PLEC: variants seen among roughly 807,000 people sequenced by gnomAD.
The protein encoded by PLEC is hemidesmosomal protein 1.
In PLEC, 216 loss-of-function variants were observed where a neutral mutation model predicts 392.8. That is an observed-to-expected ratio of 0.55 (90% CI 0.49 to 0.62). PLEC has a LOEUF of 0.62. Among genes scored for constraint, PLEC ranks in the 20% least tolerant of loss-of-function variants. The pLI, the probability that PLEC is intolerant of heterozygous loss-of-function variation, is 0.00. For missense variants in PLEC, 6,863 were observed against 6,563.4 expected, an observed-to-expected ratio of 1.05 and a Z score of -1.58; for synonymous variants, 3,621 against 2,980.6, an observed-to-expected ratio of 1.21 and a Z score of -7.00.
At chr8:143,951,238 C>T (rs1414552883), upstream of PLEC, among the ~76,000 whole-genome samples, 2 of 152,072 alleles carry the variant, frequency 1.3e-5, no homozygotes, top group African/African-American at 4.8e-5. Flanking sequence ...AGGAGGGGTA[C>T]TCGGCAGGGA....
intron 1 of PLEC, among the ~76,000 whole-genome samples, chr8:143,947,400 T>A (rs1405135663): frequency 2.0e-5 from 3 of 152,200 alleles, no homozygotes; most frequent in Non-Finnish European, 4.4e-5. Context: ...AGCTGGCGTC[T>A]CCTCCACACA....
intron 3 of PLEC, chr8:143,937,872 T>G: frequency 6.5e-6 from 4 of 620,078 alleles, no homozygotes; most frequent in Non-Finnish European, 6.0e-6. Flanking sequence ...AAGCGGAGCA[T>G]GAGGTTACTG....
chr8:143,923,552 T>C lies in PLEC; in HGVS notation c.6377A>G (p.Gln2126Arg). The change falls in exon 31 of 32, where the codon CAG becomes CGG. Residue 2126 changes from glutamine to arginine, a missense_variant. Transcript: ENST00000345136. ...RLKQSAEEQA[Q>R]ARAQAQAAAE... is the part of the protein sequence containing the mutation. ...AGCCGCCTGTGCCTGAGCCCGGGCC[T>C]GTGCCTGCTCCTCTGCCGACTGCTT... 12 of 1,597,816 alleles carry C rather than the reference T, an allele frequency of 7.5e-6. No homozygotes were observed. The highest frequency in any genetic ancestry group is 1.0e-5 in the Non-Finnish European group (12 of 1,178,046).
At position 143,916,843 on chromosome 8, in the gene PLEC, G is replaced by C; in HGVS notation, c.12978C>G (p.Thr4326=). The C allele has an allele frequency of 6.2e-6, 10 of 1,612,922 alleles. No individual in the cohort carries two copies. The highest frequency in any genetic ancestry group is 8.5e-6 in the Non-Finnish European group (10 of 1,179,934). The change falls in exon 32 of 32, where the codon ACC becomes ACG. Residue 4326 remains threonine, a synonymous_variant. Coordinates refer to ENST00000345136, the MANE Select transcript of PLEC (RefSeq NM_201384.3). ...CGTCGGTGACAGGGAAGCGCTCACC[G>C]GTGCTGGGGTCGATGATGCCCCCGG... ...ACTGGIIDPS[T]GERFPVTDAV...
At position 143,933,014 on chromosome 8, in the gene PLEC, C is replaced by T. The variant is rs781783137; in HGVS notation, c.1516G>A (p.Val506Met). Residue 506 changes from valine (V) to methionine (M), a missense_variant, in exon 14 of 32, where the codon GTG becomes ATG. Transcript: ENST00000345136. Reference sequence around the variant, plus strand: ...CGCCTCTGCACACTCTGCAGAGTCACCTGGGCCACCTGGGTTGCAGGGGCC... The same window carrying T: ...CGCCTCTGCACACTCTGCAGAGTCATCTGGGCCACCTGGGTTGCAGGGGCC... The part of the protein sequence containing the change: ...VAAPATQVAQ[V>M]TLQSVQRRPE... 2 of 1,603,642 alleles carry T rather than the reference C, an allele frequency of 1.2e-6. No individual in the cohort carries two copies. Among genetic ancestry groups the T allele is most frequent in the Non-Finnish European group, 1.7e-6 (2 of 1,176,214 alleles).
rs191163080 is a variant in PLEC, at chr8:143,964,571, T to A, written c.70+8832A>T. On this transcript the variant is annotated intron_variant, in intron 1 of 31. Coordinates refer to the PLEC transcript ENST00000356346. Reference sequence around the variant, plus strand: ...CCGAAGGAGCGTGGCCCTGTCAACATCTTGATTTTGGACATGTGGCCTCCA... The same window carrying A: ...CCGAAGGAGCGTGGCCCTGTCAACAACTTGATTTTGGACATGTGGCCTCCA... 2.3e-3 allele frequency among the ~76,000 whole-genome samples: 349 copies of A among 152,258 alleles called. 1 individual carries two copies. Among genetic ancestry groups the A allele is most frequent in the African/African-American group, 7.6e-3 (317 of 41,554 alleles).
upstream of PLEC, among the ~76,000 whole-genome samples, chr8:143,956,114 A>G (rs1411590849): frequency 3.9e-5 from 6 of 151,948 alleles, no homozygotes; most frequent in African/African-American, 1.5e-4. Context: ...CACCGGGCTA[A>G]TTTTTGTATT....
chr8:143,921,693 G>C lies in PLEC; in HGVS notation c.8128C>G (p.Leu2710Val), dbSNP rs1554686726. Residue 2710 changes from leucine (L) to valine (V), a missense_variant, in exon 32 of 32, where the codon CTG (leucine) becomes GTG (valine). Physicochemically the swap from Leu to Val is conservative, Grantham distance 32 (BLOSUM62 1). Coordinates refer to ENST00000345136, the MANE Select transcript of PLEC (RefSeq NM_201384.3). ...CTCTGCAGGGCGGCGTAAACACTCAGCTTCTCATTGGTGGCCTTCAGCAAC... is the reference window on the plus strand; with the variant it reads ...CTCTGCAGGGCGGCGTAAACACTCACCTTCTCATTGGTGGCCTTCAGCAAC... ...GLLLKATNEKLSVYAALQRQL... is the reference protein window; with the variant it reads ...GLLLKATNEKVSVYAALQRQL... 1 of 1,613,006 alleles carries C rather than the reference G, an allele frequency of 6.2e-7. No individual in the cohort carries two copies. Among genetic ancestry groups the C allele is most frequent in the Non-Finnish European group, 8.5e-7 (1 of 1,179,930 alleles).
At chr8:143,952,207 C>T (rs1832242811), upstream of PLEC, among the ~76,000 whole-genome samples, 1 of 114,174 alleles carries the variant, frequency 8.8e-6, no homozygotes, top group South Asian at 2.4e-4. Context: ...CACACACACA[C>T]ACGCGCGCAC....
chr8:143,973,664 C>A (rs1231493210), upstream of PLEC: 1 of 420,282 alleles, frequency 2.4e-6, no homozygotes, highest in Non-Finnish European at 3.2e-6. The surrounding 1 kb of genome is among the most constrained non-coding windows in gnomAD (Gnocchi z 5.6). Flanking sequence ...GCGTCTGGGC[C>A]CCTCCCGGCG....
intron 1 of PLEC, chr8:143,946,431 G>A (rs1554732277): frequency 1.6e-6 from 2 of 1,284,540 alleles, no homozygotes; most frequent in African/African-American, 1.5e-5. Flanking sequence ...GAGCCGGCAG[G>A]GAGGAAGGCG....
rs34818236 is a variant in PLEC at position 143,915,865 on chromosome 8, AC to A, written c.*311del. The A allele has an allele frequency of 0.023, 5,670 of 242,414 alleles. 370 individuals are homozygous for A. Among genetic ancestry groups the A allele is most frequent in the African/African-American group, 0.13 (5,360 of 42,850 alleles). The allele number at this position is 242,414 out of a possible 1,614,324, so 15.0% of individuals were successfully genotyped here. ...TGCAGCTAGGACTGGCAGGCGGGCT[AC>A]CCTGGGAAGACAGGAGGGTGGGCTG... is the stretch of plus-strand genomic sequence containing the variant. On this transcript the variant is annotated 3_prime_UTR_variant, in exon 32 of 32. Coordinates refer to ENST00000345136, the MANE Select transcript of PLEC (RefSeq NM_201384.3).
chr8:143,925,186 T>C lies in PLEC; in HGVS notation c.4743A>G (p.Lys1581=). Residue 1581 remains lysine (K), a synonymous_variant, in exon 31 of 32, where the codon AAA becomes AAG. Transcript: ENST00000345136. ...QRSAEAELQS[K]RASFAEKTAQ... The stretch of plus-strand genomic sequence containing the variant: ...CCGTCTTCTCGGCGAAGGAGGCGCG[T>C]TTGCTCTGCAGCTCCGCCTCTGCAC... The C allele has an allele frequency of 6.3e-7, 1 of 1,579,830 alleles. No individual in the cohort carries two copies. Among genetic ancestry groups the C allele is most frequent in the Non-Finnish European group, 8.5e-7 (1 of 1,171,506 alleles).
upstream of PLEC, chr8:143,942,258 G>A (rs1245993451): frequency 1.9e-6 from 2 of 1,037,114 alleles, no homozygotes; most frequent in East Asian, 5.5e-5. Context: ...TCCGGAGCTC[G>A]GGGGCAAGGC....
intron 1 of PLEC, chr8:143,945,379 G>T: frequency 3.1e-6 from 1 of 327,622 alleles, no homozygotes; most frequent in Non-Finnish European, 6.2e-6. Context: ...TCTGTGGAAG[G>T]CCTGGGTCAG....
Position 143,926,641 on chromosome 8 carries a change from G to A in PLEC, c.4044+143C>T, listed in dbSNP as rs7017789. ...GGGCAGCCTGGGGCAGGCTGAGCTG[G>A]GGGCAGGGGGTGCTGGCAGCGCCAG... On this transcript the variant is annotated intron_variant, in intron 30 of 31. Transcript: ENST00000345136. The A allele has an allele frequency of 0.36, 276,492 of 769,558 alleles. 54,267 individuals carry two copies. The highest frequency in any genetic ancestry group is 0.41 in the Non-Finnish European group (179,035 of 432,608). 47.7% of individuals were successfully genotyped at this position (769,558 alleles called of 1,614,324 possible).
At chr8:143,925,995 G>A (rs1191501543) in intron 30 of PLEC, 111 bp from the exon 31 acceptor site, 3 of 1,251,752 alleles carry the variant, frequency 2.4e-6, no homozygotes, top group Admixed American at 2.0e-5. Context: ...GCAGGGGTCG[G>A]GGAAGACAGA....
chr8:143,944,017 C>CGCAGGACCGCCCCATACGCGGCG, upstream of PLEC: 1 of 1,428,172 alleles, frequency 7.0e-7, no homozygotes, highest in Non-Finnish European at 9.4e-7. Flanking sequence ...CTGCCCTGCC[C>CGCAGGACCGCCCCATACGCGGCG]GCAGGACCGC....
Position 143,925,628 on chromosome 8 carries a change from T to C in PLEC, c.4301A>G (p.Gln1434Arg). The C allele has an allele frequency of 6.3e-7, 1 of 1,583,440 alleles. No individual in the cohort carries two copies. Among genetic ancestry groups the C allele is most frequent in the Non-Finnish European group, 8.5e-7 (1 of 1,172,172 alleles). ...QLRQSSEAEI[Q>R]AKARQAEAAE... ...CGCCTCTGCCTGCCGGGCCTTGGCC[T>C]GGATCTCCGCCTCCGAGCTCTGCCG... The change falls in exon 31 of 32, where the codon CAG becomes CGG. Residue 1434 changes from glutamine to arginine, a missense_variant. Gln to Arg is a conservative substitution (Grantham distance 43). Transcript: ENST00000345136.
Sources: allele counts gnomAD v4.1 joint callset (sites outside exome capture counted in the v4.1 genomes callset), GRCh38; gene constraint gnomAD v4.1.1; non-coding constraint Gnocchi (gnomAD v3.1); transcripts MANE v1.5; gene names NCBI Gene and HGNC (gene_info 2026-07-23, HGNC 2026-07-21).